The following PXK variants were observed in gnomAD, a reference collection of about 807,000 sequenced individuals.
PXK encodes PX domain containing serine/threonine kinase like, also known as PX domain-containing protein kinase-like protein.
A neutral mutation model predicts 84.7 loss-of-function variants in PXK; 35 were observed. The ratio of observed to expected loss-of-function variants is 0.41; its 90% CI spans 0.32 to 0.55. The LOEUF is 0.55. Ranked by LOEUF, PXK falls within the 20% of genes least tolerant of loss-of-function variation. The probability of loss-of-function intolerance (pLI) is 0.21; values close to 1 mark genes in which losing one functional copy is unlikely to be tolerated. For missense variants in PXK, 634 were observed against 699.7 expected (o/e 0.91, Z 1.06); for synonymous variants, 253 against 260.8 (o/e 0.97, Z 0.29).
chr3:58,355,006 C>G (rs2098039386), intron 1 of PXK, among the ~76,000 whole-genome samples: 1 of 151,924 alleles, frequency 6.6e-6, no homozygotes, highest in African/African-American at 2.4e-5. Context: ...GTAGTCGCAG[C>G]TACTTGGGAG....
At chr3:58,382,193 G>A (rs2108788197) in intron 3 of PXK, among the ~76,000 whole-genome samples, 1 of 152,200 alleles carries the variant, frequency 6.6e-6, no homozygotes, top group East Asian at 1.9e-4. Context: ...TCACATGCCT[G>A]TAGTCCCAGC....
intron 1 of PXK, among the ~76,000 whole-genome samples, chr3:58,363,940 T>C (rs1033240617): frequency 6.6e-6 from 1 of 152,194 alleles, no homozygotes; most frequent in Non-Finnish European, 1.5e-5. Flanking sequence ...AAATTTTTTA[T>C]CATGAAAGGA....
At position 58,333,598 on chromosome 3, in the gene PXK, G is replaced by T; in HGVS notation, c.102+508G>T. 1 of 456,730 alleles carries T rather than the reference G, an allele frequency of 2.2e-6. No homozygotes were observed. The highest frequency in any genetic ancestry group is 4.4e-6 in the Non-Finnish European group (1 of 226,946). The allele number at this position is 456,730 out of a possible 1,614,324, so 28.3% of individuals were successfully genotyped here. ...CTTGTTGGGACAGCAGAGTGTAAGT[G>T]GCTGGGGTCTGCAGCCCCGTTTCCA... On this transcript the variant is annotated intron_variant, in intron 1 of 17. Coordinates refer to ENST00000356151, the MANE Select transcript of PXK (RefSeq NM_017771.5). The surrounding 1 kb of genome is among the most constrained non-coding windows in gnomAD (Gnocchi z 5.4).
rs1298210485 is a variant in PXK, at chr3:58,411,611, CTCTACCT to C, written c.1466-1285_1466-1279del. On this transcript the variant is annotated intron_variant, in intron 16 of 17. Coordinates refer to ENST00000356151, the MANE Select transcript of PXK (RefSeq NM_017771.5). The surrounding 1 kb of genome is among the most constrained non-coding windows in gnomAD (Gnocchi z 4.2). ...AGCAGAGAAAGCCTGACAGTGTGCTCTCTACCTTCTAAGACCCTGCCTGCCTGCAAAG... is the reference window on the plus strand; with the variant it reads ...AGCAGAGAAAGCCTGACAGTGTGCTCTCTAAGACCCTGCCTGCCTGCAAAG... 6.6e-6 allele frequency among the ~76,000 whole-genome samples: 1 copy of C among 152,172 alleles called. No individual in the cohort carries two copies. Among genetic ancestry groups the C allele is most frequent in the East Asian group, 1.9e-4 (1 of 5,196 alleles).
intron 2 of PXK, among the ~76,000 whole-genome samples, chr3:58,367,536 T>C (rs7642018): frequency 0.76 from 115,861 of 152,028 alleles, 44,330 homozygotes; most frequent in East Asian, 0.82. Context: ...TGAGCCACTG[T>C]GCCTGACCAA....
At chr3:58,357,232 T>C (rs767332358) in intron 1 of PXK, among the ~76,000 whole-genome samples, 11 of 151,868 alleles carry the variant, frequency 7.2e-5, no homozygotes, top group Non-Finnish European at 8.8e-5. Context: ...TGAGCCGAGA[T>C]TGTGCGACTG....
chr3:58,420,471 A>T (rs901761573), intron 17 of PXK: 2 of 1,509,840 alleles, frequency 1.3e-6, no homozygotes, highest in African/African-American at 2.8e-5. Flanking sequence ...ATTTGATTAA[A>T]TGACACTAAA....
chr3:58,419,846 C>G (rs11130637), intron 17 of PXK, among the ~76,000 whole-genome samples: 45,099 of 152,130 alleles, frequency 0.3, 7,444 homozygotes, highest in Middle Eastern at 0.39. Context: ...GGGATCTAGT[C>G]AGTTTAAAAG....
At chr3:58,363,402 C>T (rs563982216) in intron 1 of PXK, among the ~76,000 whole-genome samples, 2 of 152,282 alleles carry the variant, frequency 1.3e-5, no homozygotes, top group East Asian at 3.9e-4. Context: ...CAACATGGCT[C>T]ACGGCAGTCA....
chr3:58,346,890 G>A (rs1019944472), intron 1 of PXK, among the ~76,000 whole-genome samples: 2 of 152,300 alleles, frequency 1.3e-5, no homozygotes, highest in Middle Eastern at 3.4e-3. Context: ...CCAGGCTGGA[G>A]TGCAGTGGTG....
At chr3:58,337,852 A>G (rs2097651164) in intron 1 of PXK, among the ~76,000 whole-genome samples, 2 of 152,194 alleles carry the variant, frequency 1.3e-5, no homozygotes, top group South Asian at 4.1e-4. Flanking sequence ...CAGTGACCCG[A>G]CCCTTTTTAT....
At position 58,397,247 on chromosome 3, in the gene PXK, G is replaced by C; in HGVS notation, c.984+47G>C. ...ATAGCAGGTTCATTTTTAGGTGTCA[G>C]TTATCCCCATGATCTGCCCATGTAG... is the stretch of plus-strand genomic sequence containing the variant. On this transcript the variant is annotated intron_variant, in intron 10 of 17. Transcript: ENST00000356151. The surrounding 1 kb of genome is among the most constrained non-coding windows in gnomAD (Gnocchi z 4.7). 8.8e-6 allele frequency: 14 copies of C among 1,583,698 alleles called. No homozygotes were observed. Among genetic ancestry groups the C allele is most frequent in the Non-Finnish European group, 1.1e-5 (13 of 1,155,046 alleles).
rs2098621068 is a variant in PXK, at chr3:58,390,732, A to C, written c.466+73A>C. ...TGGATCCTTAGTCATGCTTTCTGAT[A>C]CGTATCCCAGGAACATGCTTAAATG... On this transcript the variant is annotated intron_variant, in intron 5 of 17. Transcript: ENST00000356151. This position sits in a 1 kb window ranked among gnomAD's most constrained non-coding sequence, Gnocchi z 4.2. The C allele has an allele frequency of 7.1e-7, 1 of 1,401,774 alleles. No individual in the cohort carries two copies. Among genetic ancestry groups the C allele is most frequent in the African/African-American group, 1.4e-5 (1 of 70,040 alleles). 86.8% of individuals were successfully genotyped at this position (1,401,774 alleles called of 1,614,324 possible).
chr3:58,403,884 A>G lies in PXK; in HGVS notation c.1204A>G (p.Thr402Ala). 6.5e-7 allele frequency: 1 copy of G among 1,546,276 alleles called. No homozygotes were observed. The highest frequency in any genetic ancestry group is 8.8e-7 in the Non-Finnish European group (1 of 1,136,682). The change falls in exon 13 of 18, where the codon ACC becomes GCC. Residue 402 changes from threonine to alanine, a missense_variant. Physicochemically the swap from Thr to Ala is moderately conservative, Grantham distance 58. Coordinates refer to ENST00000356151, the MANE Select transcript of PXK (RefSeq NM_017771.5). ...CAGATTATTCAGCGATGTTTTACTA[A>G]CCACTTCTGAAAAACCACAGTTTAA... The part of the protein sequence containing the change: ...QMPLFSDVLL[T>A]TSEKPQFKIP...
In PXK at chr3:58,333,237, C is replaced by T. The variant is rs949500940; in HGVS notation, c.102+147C>T. The T allele has an allele frequency of 1.1e-5, 4 of 370,332 alleles. No individual in the cohort carries two copies. The highest frequency in any genetic ancestry group is 1.1e-5 in the Non-Finnish European group (3 of 263,000). The allele number at this position is 370,332 out of a possible 1,614,324, so 22.9% of individuals were successfully genotyped here. ...CCCTGGCCGAGAAGGCTGTGGCGCGCCGCTGGGTCTGGGTCAGGGCCCCTG... is the reference window on the plus strand; with the variant it reads ...CCCTGGCCGAGAAGGCTGTGGCGCGTCGCTGGGTCTGGGTCAGGGCCCCTG... On this transcript the variant is annotated intron_variant, in intron 1 of 17. Coordinates refer to ENST00000356151, the MANE Select transcript of PXK (RefSeq NM_017771.5). The surrounding 1 kb of genome is among the most constrained non-coding windows in gnomAD (Gnocchi z 5.4).
chr3:58,360,868 A>G (rs1336381924), intron 1 of PXK, among the ~76,000 whole-genome samples: 2 of 151,874 alleles, frequency 1.3e-5, no homozygotes, highest in Non-Finnish European at 2.9e-5. Context: ...AGTTCTGAAC[A>G]TTTGAGGAAA....
Position 58,364,390 on chromosome 3 carries a change from C to T in PXK, c.103-1484C>T, listed in dbSNP as rs1377234733. On this transcript the variant is annotated intron_variant, in intron 1 of 17. Coordinates refer to ENST00000356151, the MANE Select transcript of PXK (RefSeq NM_017771.5). The surrounding 1 kb of genome is among the most constrained non-coding windows in gnomAD (Gnocchi z 4.3). ...TACATATTTGGCGGGGGGAGGGGAG[C>T]GGAGTTTTTTAGTTATGAATTTAAT... 5.3e-5 allele frequency among the ~76,000 whole-genome samples: 8 copies of T among 151,900 alleles called. No homozygotes were observed. The highest frequency in any genetic ancestry group is 1.5e-4 in the African/African-American group (6 of 41,336).
At chr3:58,417,239 CTAAA>C (rs777255911) in intron 17 of PXK, among the ~76,000 whole-genome samples, 12 of 152,190 alleles carry the variant, frequency 7.9e-5, no homozygotes, top group Admixed American at 2.6e-4. Context: ...ACTCTAAATC[CTAAA>C]TCCACTGTGA....
chr3:58,415,869 G>A (rs1394761356), intron 17 of PXK, among the ~76,000 whole-genome samples: 2 of 152,188 alleles, frequency 1.3e-5, no homozygotes, highest in African/African-American at 2.4e-5. Flanking sequence ...TCAGTACACC[G>A]AGGTTGCACA....
Sources: gnomAD v4.1 joint callset for allele counts (sites outside exome capture counted in the v4.1 genomes callset) on GRCh38, gnomAD v4.1.1 for gene constraint, Gnocchi (gnomAD v3.1) non-coding constraint, MANE v1.5 for transcripts, NCBI Gene and HGNC (gene_info 2026-07-23, HGNC 2026-07-21) for gene names.